HSD17B4: variants seen among roughly 807,000 people sequenced by gnomAD.
HSD17B4 encodes the protein peroxisomal multifunctional enzyme type 2.
A neutral mutation model predicts 101.0 loss-of-function variants in HSD17B4; 70 were observed. The ratio of observed to expected loss-of-function variants is 0.69; its 90% CI spans 0.57 to 0.85. The LOEUF (loss-of-function observed/expected upper bound fraction) is 0.85. Among genes scored for constraint, HSD17B4 ranks in the 40% least tolerant of loss-of-function variants. The pLI is 0.00. For synonymous variants in HSD17B4, 347 were observed against 297.1 expected, an observed-to-expected ratio of 1.17 and a Z score of -1.73; for missense variants, 984 against 892.4, an observed-to-expected ratio of 1.10 and a Z score of -1.31.
intron 6 of HSD17B4, chr5:119,476,811 A>C: frequency 1.0e-5 from 5 of 496,660 alleles, no homozygotes; most frequent in Non-Finnish European, 1.3e-5. Flanking sequence ...TCCTTTTTTC[A>C]CTCTTACATT....
intron 3 of HSD17B4, 147 bp downstream of exon 3, chr5:119,474,162 T>A: frequency 1.5e-6 from 1 of 675,808 alleles, no homozygotes; most frequent in South Asian, 1.8e-5. Flanking sequence ...ATATTTTATA[T>A]ATGTGAGAAT....
chr5:119,514,224 G>A (rs532455283), intron 16 of HSD17B4, among the ~76,000 whole-genome samples: 1 of 152,296 alleles, frequency 6.6e-6, no homozygotes, highest in Admixed American at 6.5e-5. Context: ...TGTTTTGGGT[G>A]TGGCGGGGTT....
intron 14 of HSD17B4, among the ~76,000 whole-genome samples, chr5:119,502,651 C>G (rs1223614131): frequency 6.6e-6 from 1 of 151,694 alleles, no homozygotes; most frequent in Non-Finnish European, 1.5e-5. Context: ...TGAATGTTGT[C>G]TAATTATATA....
At chr5:119,487,584 T>C (rs1749721486) in intron 8 of HSD17B4, among the ~76,000 whole-genome samples, 1 of 152,142 alleles carries the variant, frequency 6.6e-6, no homozygotes, top group South Asian at 2.1e-4. Flanking sequence ...CTTATATTAT[T>C]AGTGATAATA....
chr5:119,489,101 T>G, intron 8 of HSD17B4, 91 bp from the exon 9 acceptor site: 3 of 878,474 alleles, frequency 3.4e-6, no homozygotes, highest in Non-Finnish European at 5.7e-6. Context: ...GTTCCTATTT[T>G]AAAGGTCTCT....
intron 17 of HSD17B4, 100 bp downstream of exon 17, chr5:119,515,146 T>C: frequency 1.3e-6 from 1 of 755,894 alleles, no homozygotes. Flanking sequence ...TAATGCATAA[T>C]GAATAATATG....
At chr5:119,452,956 T>TA (rs1561420467) in intron 1 of HSD17B4, 1 of 1,020,898 alleles carries the variant, frequency 9.8e-7, no homozygotes, top group East Asian at 2.6e-5. Flanking sequence ...CATCGATTGT[T>TA]ACTCTTCCTG....
In HSD17B4 at chr5:119,509,212, T is replaced by C; in HGVS notation, c.1405T>C (p.Phe469Leu). ...FSLFLVGSGGFGGKRTSDKVK... is the reference protein window; with the variant it reads ...FSLFLVGSGGLGGKRTSDKVK... ...TCTCTTTCTTGTTGGCTCTGGAGGC[T>C]TTGGTGGAAAACGGACATCAGACAA... Residue 469 changes from phenylalanine to leucine, a missense_variant, in exon 16 of 24, where the codon TTT becomes CTT. Coordinates refer to ENST00000510025, the MANE Select transcript of HSD17B4 (RefSeq NM_000414.4). The C allele has an allele frequency of 2.5e-6, 4 of 1,610,008 alleles. No individual in the cohort carries two copies. The South Asian group carries it at 4.4e-5, about 18-fold the overall frequency.
intron 17 of HSD17B4, among the ~76,000 whole-genome samples, chr5:119,521,335 G>T (rs1025628818): frequency 6.6e-6 from 1 of 152,056 alleles, no homozygotes; most frequent in African/African-American, 2.4e-5. Context: ...AAGTCTAATG[G>T]TTTTGCTGGG....
At chr5:119,493,456 T>G in intron 10 of HSD17B4, 1 of 226,610 alleles carries the variant, frequency 4.4e-6, no homozygotes. Context: ...ATCTTCATTT[T>G]ATAAACAAGA....
At chr5:119,473,879 ATTG>A (rs1748295825) in intron 2 of HSD17B4, 26 bp from the exon 3 acceptor site, 1 of 1,253,036 alleles carries the variant, frequency 8.0e-7, no homozygotes, top group Non-Finnish European at 1.2e-6. Flanking sequence ...AGAATAATTA[ATTG>A]TTGTTTGCTT....
chr5:119,458,606 C>A (rs34241171), intron 2 of HSD17B4, among the ~76,000 whole-genome samples: 1 of 151,218 alleles, frequency 6.6e-6, no homozygotes, highest in Admixed American at 6.6e-5. Context: ...CATGTCACTT[C>A]TACCGACATT....
intron 17 of HSD17B4, among the ~76,000 whole-genome samples, chr5:119,524,197 A>G (rs1298906037): frequency 2.0e-5 from 3 of 152,108 alleles, no homozygotes; most frequent in Non-Finnish European, 4.4e-5. Context: ...GAAAGTAAAT[A>G]ATCTATAGAA....
Position 119,473,849 on chromosome 5 carries a change from CA to C in HSD17B4, c.113-58del, listed in dbSNP as rs1340532040. 3.3e-5 allele frequency: 33 copies of C among 997,576 alleles called. No individual in the cohort carries two copies. The African/African-American group carries it at 4.9e-4, about 15-fold the overall frequency. The allele number at this position is 997,576 out of a possible 1,614,324, so 61.8% of individuals were successfully genotyped here. ...TAGAATTTCATTTTCCACACACACA[CA>C]CACACATTTTGAAAGTCTAGAATAA... On this transcript the variant is annotated intron_variant, in intron 2 of 23. Coordinates refer to ENST00000510025, the MANE Select transcript of HSD17B4 (RefSeq NM_000414.4).
chr5:119,542,222 AT>A lies in HSD17B4; in HGVS notation c.*229del. On this transcript the variant is annotated 3_prime_UTR_variant, in exon 24 of 24. Coordinates refer to ENST00000510025, the MANE Select transcript of HSD17B4 (RefSeq NM_000414.4). The stretch of plus-strand genomic sequence containing the variant: ...CACATAATTATCCTTCTGTTCTTAG[AT>A]CTGTATCTTCATAATAAAAAATTTT... 1 of 398,342 alleles carries A rather than the reference AT, an allele frequency of 2.5e-6. No homozygotes were observed. The highest frequency in any genetic ancestry group is 3.3e-5 in the South Asian group (1 of 30,296). 24.7% of individuals were successfully genotyped at this position (398,342 alleles called of 1,614,324 possible).
At position 119,458,687 on chromosome 5, in the gene HSD17B4, G is replaced by T. The variant is rs1213337280; in HGVS notation, c.112+2319G>T. Among the ~76,000 whole-genome samples the T allele has an allele frequency of 2.0e-5, 3 of 152,018 alleles. 1 individual carries two copies. The East Asian group carries it at 5.8e-4, about 29-fold the overall frequency. ...ATCATTTAAGATAGTCTCCAATTTTGTGTTAATATGATTGCTATGTTTTAT... is the reference window on the plus strand; with the variant it reads ...ATCATTTAAGATAGTCTCCAATTTTTTGTTAATATGATTGCTATGTTTTAT... On this transcript the variant is annotated intron_variant, in intron 2 of 23. Transcript: ENST00000510025.
intron 17 of HSD17B4, among the ~76,000 whole-genome samples, chr5:119,520,818 C>G (rs534661851): frequency 1.3e-5 from 2 of 152,198 alleles, no homozygotes; most frequent in African/African-American, 4.8e-5. Context: ...CCCATTTAAT[C>G]CATGACTATC....
intron 21 of HSD17B4, among the ~76,000 whole-genome samples, chr5:119,530,555 G>GA (rs35747045): frequency 0.28 from 40,961 of 147,474 alleles, 6,933 homozygotes; most frequent in East Asian, 0.4. Flanking sequence ...AATAGTCTAA[G>GA]AAAAAAAAAA....
intron 8 of HSD17B4, 44 bp downstream of exon 8, chr5:119,479,065 C>A: frequency 7.1e-7 from 1 of 1,402,378 alleles, no homozygotes; most frequent in Non-Finnish European, 1.0e-6. Flanking sequence ...TACTTACAAA[C>A]CTATGTGGAA....
Sources: gnomAD v4.1 joint callset for allele counts (sites outside exome capture counted in the v4.1 genomes callset) on GRCh38, gnomAD v4.1.1 for gene constraint, MANE v1.5 for transcripts, NCBI Gene and HGNC (gene_info 2026-07-23, HGNC 2026-07-21) for gene names.